Variants in ATM observed in about 807,000 individuals in gnomAD.
The protein encoded by ATM is serine-protein kinase ATM.
In ATM, 308 loss-of-function variants were observed where a neutral mutation model predicts 387.0. The observed-to-expected ratio is 0.80, with a 90% CI of 0.73 to 0.87. The LOEUF is 0.87. Among genes scored for constraint, ATM ranks in the 40% least tolerant of loss-of-function variants. The pLI, the probability that ATM is intolerant of heterozygous loss-of-function variation, is 0.00. For synonymous variants in ATM, 1,156 were observed against 1,187.3 expected (o/e 0.97, Z 0.54); for missense variants, 3,312 against 3,560.9 (o/e 0.93, Z 1.78).
intron 5 of ATM, among the ~76,000 whole-genome samples, chr11:108,239,598 G>A (rs111468331): frequency 6.6e-6 from 1 of 152,126 alleles, no homozygotes; most frequent in South Asian, 2.1e-4. Flanking sequence ...TAATGCTGCC[G>A]TGAACATGAG....
intron 5 of ATM, among the ~76,000 whole-genome samples, chr11:108,239,412 A>G (rs1005002861): frequency 1.3e-5 from 2 of 152,202 alleles, no homozygotes; most frequent in African/African-American, 4.8e-5. Context: ...TCCTTTTGCA[A>G]CCTGCTTATT....
chr11:108,350,553 G>A (rs984133249), intron 59 of ATM, among the ~76,000 whole-genome samples: 10 of 152,186 alleles, frequency 6.6e-5, no homozygotes, highest in Non-Finnish European at 1.2e-4. Flanking sequence ...AGACAGTCAC[G>A]GATATTATAT....
rs1060501540 is a variant in ATM at position 108,256,339 on chromosome 11, A to C, written c.2249A>C (p.Lys750Thr). The change falls in exon 14 of 63, where the codon AAG (lysine) becomes ACG (threonine). Residue 750 changes from lysine (K) to threonine (T), a missense_variant and splice_region_variant. By Grantham distance (78) the Lys-to-Thr change is moderately conservative. This residue lies in a region of ATM where 1,791 missense variants were observed against 1,804.5 expected (regional missense o/e 0.99). Coordinates refer to ENST00000675843, the MANE Select transcript of ATM (RefSeq NM_000051.4). ...AAGTCAGAATTATTCCAGAAAGCCA[A>C]GGTAGGAGAATTTATACTAATAAAG... ...AYKSELFQKA[K>T]SLMQCAGESI... 1 of 1,608,958 alleles carries C rather than the reference A, an allele frequency of 6.2e-7. No homozygotes were observed. Among genetic ancestry groups the C allele is most frequent in the African/African-American group, 1.3e-5 (1 of 74,820 alleles).
chr11:108,304,939 T>C (rs1214127717), intron 37 of ATM, 87 bp downstream of exon 37: 3 of 1,459,300 alleles, frequency 2.1e-6, no homozygotes, highest in African/African-American at 2.8e-5. Flanking sequence ...AAAAGCACTT[T>C]ACAGGATTAA....
At chr11:108,293,609 G>A in intron 31 of ATM, 132 bp downstream of exon 31, 1 of 811,938 alleles carries the variant, frequency 1.2e-6, no homozygotes, top group South Asian at 1.6e-5. Context: ...ACGTAGGCCA[G>A]GCACATTGGC....
In ATM at chr11:108,299,744, G is replaced by C. The variant is rs1064794124; in HGVS notation, c.5036G>C (p.Gly1679Ala). ...EAVGSCLGEVGPIDFSTIAIQ... is the reference protein window; with the variant it reads ...EAVGSCLGEVAPIDFSTIAIQ... ...GTTGGAAGCTGCTTGGGAGAAGTGG[G>C]TCCTATAGATTTCTCTACCATAGCT... is the stretch of plus-strand genomic sequence containing the variant. The change falls in exon 34 of 63, where the codon GGT (glycine) becomes GCT (alanine). Residue 1679 changes from glycine to alanine, a missense_variant. By Grantham distance (60) the Gly-to-Ala change is moderately conservative (BLOSUM62 0). Around this residue, in one of 4 missense-constraint regions of ATM, gnomAD observed 1,405 missense variants for 1,604.4 expected, o/e 0.88. Transcript: ENST00000675843. The C allele has an allele frequency of 6.2e-7, 1 of 1,613,854 alleles. No individual in the cohort carries two copies. Among genetic ancestry groups the C allele is most frequent in the Non-Finnish European group, 8.5e-7 (1 of 1,179,890 alleles).
In ATM at chr11:108,273,435, C is replaced by T. The variant is rs191288197; in HGVS notation, c.3284+583C>T. On this transcript the variant is annotated intron_variant, in intron 22 of 62. Transcript: ENST00000675843. ...CGGTTCACTTCAGCCTCTACCTCCT[C>T]GGTTCAAGCAATTCTCCTGCCTCAT... Among the ~76,000 whole-genome samples, 354 of 141,014 alleles carry T rather than the reference C, an allele frequency of 2.5e-3. 1 individual carries two copies. The highest frequency in any genetic ancestry group is 8.9e-3 in the African/African-American group (336 of 37,600). The allele number at this position is 141,014 out of a possible 152,430, so 92.5% of individuals were successfully genotyped here.
rs778670498 is a variant in ATM at position 108,365,330 on chromosome 11, T to C, written c.8993T>C (p.Ile2998Thr). Residue 2998 changes from isoleucine to threonine, a missense_variant, in exon 63 of 63, where the codon ATT (isoleucine) becomes ACT (threonine). Ile to Thr is a moderately conservative substitution (Grantham distance 89, BLOSUM62 -1). Coordinates refer to ENST00000675843, the MANE Select transcript of ATM (RefSeq NM_000051.4). ...DQECKRNLSD[I>T]DQSFNKVAER... ...CTTTGTGTTTTTGTCCTTAGTGATATTGACCAGAGTTTCAACAAAGTAGCT... is the reference window on the plus strand; with the variant it reads ...CTTTGTGTTTTTGTCCTTAGTGATACTGACCAGAGTTTCAACAAAGTAGCT... 3.1e-6 allele frequency: 5 copies of C among 1,614,118 alleles called. No individual in the cohort carries two copies. The African/African-American group carries it at 4.0e-5, about 13-fold the overall frequency.
chr11:108,288,501 CT>C (rs35604622), intron 27 of ATM, among the ~76,000 whole-genome samples: 1,595 of 126,672 alleles, frequency 0.013, 20 homozygotes, highest in African/African-American at 0.042. Context: ...ATATGCTTTA[CT>C]TTTTTTTTTT....
chr11:108,282,876 A>G lies in ATM; in HGVS notation c.3743A>G (p.Tyr1248Cys), dbSNP rs766226370. The G allele has an allele frequency of 1.2e-5, 18 of 1,480,666 alleles. No homozygotes were observed. Among genetic ancestry groups the G allele is most frequent in the East Asian group, 4.5e-5 (2 of 44,018 alleles). The allele number at this position is 1,480,666 out of a possible 1,614,324, so 91.7% of individuals were successfully genotyped here. Residue 1248 changes from tyrosine to cysteine, a missense_variant, in exon 25 of 63, where the codon TAT (tyrosine) becomes TGT (cysteine). Tyr to Cys is a radical substitution (Grantham distance 194, BLOSUM62 -2). Transcript: ENST00000675843. Reference sequence around the variant, plus strand: ...AACTACACAAATATTGAGGATTTCTATAGGTAAGTTTATACATGACATATG... The same window carrying G: ...AACTACACAAATATTGAGGATTTCTGTAGGTAAGTTTATACATGACATATG... Reference protein sequence around the residue: ...LLNYTNIEDFYRSCYKVLIPH... With the variant: ...LLNYTNIEDFCRSCYKVLIPH...
chr11:108,258,021 T>A (rs2135412921), intron 15 of ATM, among the ~76,000 whole-genome samples: 1 of 152,196 alleles, frequency 6.6e-6, no homozygotes, highest in East Asian at 1.9e-4. Context: ...CTCAGCCTCC[T>A]TAGTAGCTGG....
At chr11:108,307,808 C>T (rs2083805257) in intron 37 of ATM, 89 bp from the exon 38 acceptor site, 1 of 1,177,362 alleles carries the variant, frequency 8.5e-7, no homozygotes, top group Non-Finnish European at 1.2e-6. Flanking sequence ...AACCTTATAG[C>T]ATAGTGGGAG....
chr11:108,271,943 G>A (rs542062721), intron 20 of ATM, among the ~76,000 whole-genome samples: 20 of 152,268 alleles, frequency 1.3e-4, no homozygotes, highest in African/African-American at 4.6e-4. Flanking sequence ...TGCTATATCT[G>A]CTCACTGCAA....
intron 22 of ATM, among the ~76,000 whole-genome samples, chr11:108,276,077 A>C (rs1054560660): frequency 1.3e-5 from 2 of 151,878 alleles, no homozygotes; most frequent in Admixed American, 1.3e-4. Flanking sequence ...TTTTTTCTCT[A>C]ATCTTGTCTT....
chr11:108,308,178 A>T, intron 38 of ATM, 194 bp downstream of exon 38: 3 of 612,730 alleles, frequency 4.9e-6, no homozygotes, highest in African/African-American at 3.7e-5. Context: ...AAGAACTCTC[A>T]ATTCTAGTAC....
At chr11:108,299,493 T>C in intron 33 of ATM, 1 of 428,422 alleles carries the variant, frequency 2.3e-6, no homozygotes, top group Non-Finnish European at 4.3e-6. Context: ...GATGGGGCTT[T>C]ACCATGTTGG....
intron 26 of ATM, 97 bp downstream of exon 26, chr11:108,284,570 A>G (rs922006173): frequency 2.0e-6 from 3 of 1,519,986 alleles, no homozygotes; most frequent in Admixed American, 1.7e-5. Flanking sequence ...TCGTATTTAT[A>G]TATTGAAACT....
At chr11:108,332,250 A>G (rs1210204583) in intron 52 of ATM, among the ~76,000 whole-genome samples, 1 of 152,034 alleles carries the variant, frequency 6.6e-6, no homozygotes, top group Non-Finnish European at 1.5e-5. Flanking sequence ...TGACCGACAC[A>G]GCAAAACCCT....
intron 59 of ATM, 111 bp downstream of exon 59, chr11:108,347,476 G>A (rs2088590773): frequency 1.1e-6 from 1 of 896,604 alleles, no homozygotes; most frequent in Admixed American, 2.3e-5. Context: ...AATTGAAGCA[G>A]TAAATATTGG....
Sources: gnomAD v4.1 joint callset for allele counts (sites outside exome capture counted in the v4.1 genomes callset) on GRCh38, gnomAD v4.1.1 for gene constraint, gnomAD v4.1.1 regional missense constraint, MANE v1.5 for transcripts, NCBI Gene and HGNC (gene_info 2026-07-23, HGNC 2026-07-21) for gene names.